The following PIGF variants were observed in gnomAD, a reference collection of about 807,000 sequenced individuals.
PIGF encodes GPI ethanolamine phosphate transferase, stabilizing subunit.
A neutral mutation model predicts 26.0 loss-of-function variants in PIGF; 23 were observed. The observed-to-expected ratio is 0.88, with a 90% CI of 0.64 to 1.25. The LOEUF is 1.25. Ranked by LOEUF, PIGF falls within the 50% of genes most tolerant of loss-of-function variation. The probability of loss-of-function intolerance (pLI) is 0.00; values close to 1 mark genes in which losing one functional copy is unlikely to be tolerated. For synonymous variants in PIGF, 93 were observed against 92.6 expected, an observed-to-expected ratio of 1.00 and a Z score of -0.03; for missense variants, 278 against 249.9, an observed-to-expected ratio of 1.11 and a Z score of -0.76.
chr2:46,613,475 C>T (rs1670491664), intron 3 of PIGF, among the ~76,000 whole-genome samples: 1 of 152,032 alleles, frequency 6.6e-6, no homozygotes, highest in Admixed American at 6.6e-5. Flanking sequence ...TCTCAACATG[C>T]AATTGGATAC....
intron 4 of PIGF, among the ~76,000 whole-genome samples, chr2:46,609,392 C>T (rs943926952): frequency 2.0e-5 from 3 of 152,190 alleles, no homozygotes; most frequent in Non-Finnish European, 4.4e-5. Flanking sequence ...AACTTTCTCC[C>T]CATCAGCAGT....
intron 4 of PIGF, among the ~76,000 whole-genome samples, chr2:46,607,489 T>A (rs1331910892): frequency 6.6e-6 from 1 of 152,248 alleles, no homozygotes; most frequent in Non-Finnish European, 1.5e-5. Flanking sequence ...ATAAAAGTTA[T>A]ATTTCTACTG....
chr2:46,602,352 T>G (rs1670086047), intron 4 of PIGF, among the ~76,000 whole-genome samples: 1 of 151,960 alleles, frequency 6.6e-6, no homozygotes, highest in Non-Finnish European at 1.5e-5. Flanking sequence ...GCTTTGTTGT[T>G]CTCTGTCGTC....
chr2:46,607,214 G>A (rs1366771290), intron 4 of PIGF, among the ~76,000 whole-genome samples: 1 of 152,144 alleles, frequency 6.6e-6, no homozygotes, highest in African/African-American at 2.4e-5. Flanking sequence ...CCACACATAC[G>A]CACATCTGGT....
chr2:46,591,494 TA>T (rs1235476901), intron 5 of PIGF: 4 of 832,716 alleles, frequency 4.8e-6, no homozygotes, highest in Non-Finnish European at 5.8e-6. Flanking sequence ...AAAGCACATT[TA>T]TTTTTTAATA....
intron 4 of PIGF, among the ~76,000 whole-genome samples, chr2:46,606,769 A>G (rs1670234837): frequency 6.6e-6 from 1 of 152,224 alleles, no homozygotes; most frequent in Non-Finnish European, 1.5e-5. Flanking sequence ...AAATAAACAC[A>G]TATGTCCATA....
intron 2 of PIGF, 75 bp downstream of exon 2, chr2:46,614,862 G>C (rs1178915594): frequency 8.6e-6 from 6 of 700,320 alleles, no homozygotes; most frequent in South Asian, 1.8e-5. Context: ...ATAAAGACTT[G>C]ATGAATACTT....
chr2:46,592,654 C>A lies in PIGF; in HGVS notation c.438-71G>T. 6.6e-6 allele frequency: 5 copies of A among 760,490 alleles called. No individual in the cohort carries two copies. In the South Asian group the frequency reaches 7.0e-5, roughly 11 times the overall value. The allele number at this position is 760,490 out of a possible 1,614,324, so 47.1% of individuals were successfully genotyped here. ...TGCTGGAGAATCCAACAAGCACTAG[C>A]ACACATTATCAGTATACATATATTT... On this transcript the variant is annotated intron_variant, in intron 4 of 5. Transcript: ENST00000281382.
chr2:46,611,482 C>CA (rs71397012), intron 4 of PIGF, among the ~76,000 whole-genome samples: 39,378 of 125,242 alleles, frequency 0.31, 5,754 homozygotes, highest in Admixed American at 0.39. Flanking sequence ...GGTTCCATCT[C>CA]AAAAAAAAAA....
Position 46,581,232 on chromosome 2 carries a change from T to G in PIGF, c.*246A>C. On this transcript the variant is annotated 3_prime_UTR_variant, in exon 6 of 6. Transcript: ENST00000281382. ...GTCCTCAGAATTCTATAAAGTGTAT[T>G]AAGAATGTTCCTTAAAGGTTTAAGA... 1.0e-6 allele frequency: 1 copy of G among 994,184 alleles called. No homozygotes were observed. Among genetic ancestry groups the G allele is most frequent in the Non-Finnish European group, 1.4e-6 (1 of 689,662 alleles). 61.6% of individuals were successfully genotyped at this position (994,184 alleles called of 1,614,324 possible). A position where few individuals can be genotyped will look rare whatever the true frequency, so the allele number is the denominator to read the frequency against.
intron 4 of PIGF, among the ~76,000 whole-genome samples, chr2:46,608,197 A>G (rs1316296520): frequency 6.6e-6 from 1 of 152,142 alleles, no homozygotes; most frequent in Non-Finnish European, 1.5e-5. Context: ...AATATCCTAA[A>G]TCCTTTGTTG....
At chr2:46,591,099 T>C (rs1289063079) in intron 5 of PIGF, among the ~76,000 whole-genome samples, 2 of 152,188 alleles carry the variant, frequency 1.3e-5, no homozygotes, top group African/African-American at 4.8e-5. Flanking sequence ...TGTATAAGTA[T>C]GATAATGACC....
intron 2 of PIGF, 47 bp downstream of exon 2, chr2:46,614,889 GA>G: frequency 1.2e-6 from 1 of 839,012 alleles, no homozygotes; most frequent in Non-Finnish European, 2.0e-6. Context: ...TCCATTAAAA[GA>G]AACACTAGCT....
intron 5 of PIGF, among the ~76,000 whole-genome samples, chr2:46,585,642 C>T (rs987511828): frequency 6.6e-6 from 1 of 152,182 alleles, no homozygotes; most frequent in Non-Finnish European, 1.5e-5. Context: ...ATTAAACTTA[C>T]ACAAACAGTA....
At position 46,588,744 on chromosome 2, in the gene PIGF, C is replaced by T. The variant is rs1280764223; in HGVS notation, c.546+3731G>A. ...TTCCAGATGAAAAACCTCATAGCTA[C>T]ATATTCTATGAAATAGTTACAGCAT... On this transcript the variant is annotated intron_variant, in intron 5 of 5. Transcript: ENST00000281382. The surrounding 1 kb of genome is among the most constrained non-coding windows in gnomAD (Gnocchi z 4.1). The T allele has an allele frequency of 6.6e-6, 1 of 152,314 alleles. No homozygotes were observed. The highest frequency in any genetic ancestry group is 1.5e-5 in the Non-Finnish European group (1 of 68,142). The allele number at this position is 152,314 out of a possible 1,614,324, so 9.4% of individuals were successfully genotyped here.
intron 4 of PIGF, among the ~76,000 whole-genome samples, chr2:46,595,527 T>A (rs576489031): frequency 8.5e-5 from 13 of 152,340 alleles, no homozygotes; most frequent in African/African-American, 2.9e-4. Flanking sequence ...TTGCTTCTAC[T>A]TTTTGGTTAT....
intron 1 of PIGF, 26 bp from the exon 2 acceptor site, chr2:46,615,211 C>T (rs774418365): frequency 3.3e-6 from 3 of 911,018 alleles, no homozygotes. Context: ...AAAAGAAGAG[C>T]ATATGCAATA....
At chr2:46,598,870 A>C (rs1669970747) in intron 4 of PIGF, among the ~76,000 whole-genome samples, 2 of 152,232 alleles carry the variant, frequency 1.3e-5, no homozygotes, top group Non-Finnish European at 2.9e-5. Context: ...CAACAGCAAC[A>C]ACAAAATGAA....
At chr2:46,613,903 T>C in intron 2 of PIGF, 118 bp from the exon 3 acceptor site, 4 of 821,808 alleles carry the variant, frequency 4.9e-6, no homozygotes, top group Non-Finnish European at 7.7e-6. Flanking sequence ...TCAAATGTTC[T>C]TGGGTATACT....
Sources: allele counts gnomAD v4.1 joint callset (sites outside exome capture counted in the v4.1 genomes callset), GRCh38; gene constraint gnomAD v4.1.1; non-coding constraint Gnocchi (gnomAD v3.1); transcripts MANE v1.5; gene names NCBI Gene and HGNC (gene_info 2026-07-23, HGNC 2026-07-21).